The following PALD1 variants were observed in gnomAD, a reference collection of about 807,000 sequenced individuals.
PALD1 encodes the protein paladin.
PALD1 carries 57 observed loss-of-function variants against 96.0 expected under a neutral mutation model. The ratio of observed to expected loss-of-function variants is 0.59; its 90% CI spans 0.48 to 0.74. The LOEUF (loss-of-function observed/expected upper bound fraction) is 0.74, where lower values mean the gene tolerates loss of function less well. PALD1 is among the 30% of genes least tolerant of loss of function. The pLI, the probability that PALD1 is intolerant of heterozygous loss-of-function variation, is 0.00. For missense variants in PALD1, 1,063 were observed against 1,143.7 expected (o/e 0.93, Z 1.02); for synonymous variants, 464 against 473.6 (o/e 0.98, Z 0.26).
upstream of PALD1, among the ~76,000 whole-genome samples, chr10:70,474,838 C>G (rs538577440): frequency 6.6e-6 from 1 of 152,284 alleles, no homozygotes; most frequent in African/African-American, 2.4e-5. Context: ...GATGGGGATG[C>G]TCAGGTCCCA....
chr10:70,552,643 ACTT>A (rs1847504832), intron 18 of PALD1, among the ~76,000 whole-genome samples: 2 of 151,996 alleles, frequency 1.3e-5, no homozygotes, highest in South Asian at 2.1e-4. Flanking sequence ...TCCTCATGTT[ACTT>A]CTTCTGTGCA....
At chr10:70,513,627 AC>A (rs1171651709) in intron 1 of PALD1, among the ~76,000 whole-genome samples, 1 of 152,130 alleles carries the variant, frequency 6.6e-6, no homozygotes, top group Non-Finnish European at 1.5e-5. Context: ...AAGAGGCATT[AC>A]CCCCAAACGC....
At chr10:70,537,163 A>G (rs1468289215) in intron 10 of PALD1, among the ~76,000 whole-genome samples, 5 of 151,694 alleles carry the variant, frequency 3.3e-5, no homozygotes, top group African/African-American at 9.7e-5. Flanking sequence ...GCTGGAGTGC[A>G]ACGGTGAGAT....
rs1224078670 is a variant in PALD1, at chr10:70,560,082, T to C, written c.2263-4282T>C. 2.6e-5 allele frequency among the ~76,000 whole-genome samples: 4 copies of C among 152,252 alleles called. No homozygotes were observed. The East Asian group carries it at 5.8e-4, about 22-fold the overall frequency. On this transcript the variant is annotated intron_variant, in intron 18 of 19. Coordinates refer to ENST00000263563, the MANE Select transcript of PALD1 (RefSeq NM_014431.3). Reference sequence around the variant, plus strand: ...GACAGCCCCTGCCTTGATGAAGCAATTAGAATCTGTTAAGATGGAATTTAG... The same window carrying C: ...GACAGCCCCTGCCTTGATGAAGCAACTAGAATCTGTTAAGATGGAATTTAG...
At chr10:70,488,196 A>G (rs1442219496) in intron 1 of PALD1, among the ~76,000 whole-genome samples, 1 of 151,374 alleles carries the variant, frequency 6.6e-6, no homozygotes, top group East Asian at 1.9e-4. Flanking sequence ...GGGTCGACTC[A>G]CTGCAGCCTT....
At chr10:70,505,634 CAAAACAAAACAAAAA>C (rs1313423634) in intron 1 of PALD1, among the ~76,000 whole-genome samples, 1 of 118,842 alleles carries the variant, frequency 8.4e-6, no homozygotes, top group African/African-American at 3.3e-5. Context: ...CAAAACAAAA[CAAAACAAAACAAAAA>C]AACAAATCAG....
Position 70,566,605 on chromosome 10 carries a change from G to C in PALD1, c.2443G>C (p.Glu815Gln). Residue 815 changes from glutamate to glutamine, a missense_variant, in exon 20 of 20, where the codon GAG (glutamate) becomes CAG (glutamine). Coordinates refer to ENST00000263563, the MANE Select transcript of PALD1 (RefSeq NM_014431.3). ...GGTGGCATCGAAGGCTGGCATCTAC[G>C]AGATCCTTAACGAGCTGGGCTTCCC... The part of the protein sequence containing the change: ...QEVASKAGIY[E>Q]ILNELGFPEL... 4 of 1,611,146 alleles carry C rather than the reference G, an allele frequency of 2.5e-6. No individual in the cohort carries two copies. Among genetic ancestry groups the C allele is most frequent in the Non-Finnish European group, 3.4e-6 (4 of 1,179,000 alleles).
the PALD1 span, among the ~76,000 whole-genome samples, chr10:70,467,980 G>A: frequency 6.6e-6 from 1 of 152,074 alleles, no homozygotes; most frequent in Admixed American, 6.6e-5. Flanking sequence ...CCCCATTGAC[G>A]GGGTCTGAGG....
intron 1 of PALD1, among the ~76,000 whole-genome samples, chr10:70,517,137 A>G (rs965078377): frequency 6.6e-6 from 1 of 152,108 alleles, no homozygotes; most frequent in Admixed American, 6.6e-5. Flanking sequence ...AGGAGGTGCT[A>G]CTGTTGTTCC....
the PALD1 span, among the ~76,000 whole-genome samples, chr10:70,462,034 C>G: frequency 3.9e-5 from 6 of 152,316 alleles, no homozygotes; most frequent in South Asian, 1.2e-3. Flanking sequence ...CTTGAGCGAT[C>G]CGCCCACCTC....
intron 1 of PALD1, among the ~76,000 whole-genome samples, chr10:70,508,633 T>A (rs895498243): frequency 6.6e-6 from 1 of 152,168 alleles, no homozygotes; most frequent in African/African-American, 2.4e-5. Flanking sequence ...CACCCACTGT[T>A]CTTGTGACTG....
chr10:70,543,694 G>C (rs1490065237), intron 17 of PALD1, among the ~76,000 whole-genome samples: 2 of 152,156 alleles, frequency 1.3e-5, no homozygotes, highest in Non-Finnish European at 2.9e-5. Context: ...TTGACCATAT[G>C]TATAAGGGTT....
upstream of PALD1, among the ~76,000 whole-genome samples, chr10:70,476,651 G>A (rs1191341133): frequency 6.6e-6 from 1 of 152,132 alleles, no homozygotes; most frequent in African/African-American, 2.4e-5. Context: ...GGTTGTGACT[G>A]CAGGCTGTCC....
chr10:70,473,674 C>T, the PALD1 span, among the ~76,000 whole-genome samples: 7 of 150,764 alleles, frequency 4.6e-5, no homozygotes, highest in Admixed American at 1.3e-4. Flanking sequence ...TTAATTGAGA[C>T]GGAGTCTGTC....
chr10:70,495,857 A>G (rs1846185225), intron 1 of PALD1, among the ~76,000 whole-genome samples: 1 of 151,642 alleles, frequency 6.6e-6, no homozygotes, highest in South Asian at 2.1e-4. Context: ...AAAAAAAAAA[A>G]AATTAGCCAG....
In PALD1 at chr10:70,560,104, T is replaced by A. The variant is rs16927685; in HGVS notation, c.2263-4260T>A. Among the ~76,000 whole-genome samples the A allele has an allele frequency of 2.0e-5, 3 of 152,226 alleles. No individual in the cohort carries two copies. In the South Asian group the frequency reaches 6.2e-4, roughly 32 times the overall value. ...CAATTAGAATCTGTTAAGATGGAAT[T>A]TAGTGCAATGTTTAATTGAAAGGTT... is the stretch of plus-strand genomic sequence containing the variant. On this transcript the variant is annotated intron_variant, in intron 18 of 19. Coordinates refer to ENST00000263563, the MANE Select transcript of PALD1 (RefSeq NM_014431.3).
intron 1 of PALD1, among the ~76,000 whole-genome samples, chr10:70,522,109 G>A (rs1379112702): frequency 6.6e-6 from 1 of 152,186 alleles, no homozygotes; most frequent in Non-Finnish European, 1.5e-5. Flanking sequence ...GGCTGCAGTG[G>A]CTCAGCTTCA....
At chr10:70,473,651 A>ATT in the PALD1 span, among the ~76,000 whole-genome samples, 5 of 149,310 alleles carry the variant, frequency 3.3e-5, no homozygotes, top group South Asian at 6.4e-4. Context: ...TTACAGACTA[A>ATT]TTTTTTTTTT....
Position 70,539,263 on chromosome 10 carries a change from C to G in PALD1, c.1725+16C>G. On this transcript the variant is annotated intron_variant, in intron 14 of 19. Coordinates refer to ENST00000263563, the MANE Select transcript of PALD1 (RefSeq NM_014431.3). This position sits in a 1 kb window ranked among gnomAD's most constrained non-coding sequence, Gnocchi z 4.5. ...CCAGCTGGAGGTGAGGCCCCCTGCCCTCTAGGCACCCCTGCCTCCGAGGCT... is the reference window on the plus strand; with the variant it reads ...CCAGCTGGAGGTGAGGCCCCCTGCCGTCTAGGCACCCCTGCCTCCGAGGCT... 5 of 1,597,954 alleles carry G rather than the reference C, an allele frequency of 3.1e-6. No homozygotes were observed. Among genetic ancestry groups the G allele is most frequent in the Non-Finnish European group, 4.3e-6 (5 of 1,173,376 alleles).
Sources: allele counts gnomAD v4.1 joint callset (sites outside exome capture counted in the v4.1 genomes callset), GRCh38; gene constraint gnomAD v4.1.1; non-coding constraint Gnocchi (gnomAD v3.1); transcripts MANE v1.5; gene names NCBI Gene and HGNC (gene_info 2026-07-23, HGNC 2026-07-21).